GPATCH8: variants seen among roughly 807,000 people sequenced by gnomAD.
The protein encoded by GPATCH8 is G patch domain-containing protein 8.
Under a neutral mutation model 118.3 loss-of-function variants are expected in GPATCH8, and 18 were observed. The observed-to-expected ratio is 0.15, with a 90% CI of 0.11 to 0.23. The LOEUF (loss-of-function observed/expected upper bound fraction) is 0.23. Among genes scored for constraint, GPATCH8 ranks in the 10% least tolerant of loss-of-function variants. The pLI, the probability that GPATCH8 is intolerant of heterozygous loss-of-function variation, is 1.00. For missense variants in GPATCH8, 1,631 were observed against 1,873.8 expected, an observed-to-expected ratio of 0.87 and a Z score of 2.39; for synonymous variants, 659 against 684.7, an observed-to-expected ratio of 0.96 and a Z score of 0.59.
intron 1 of GPATCH8, among the ~76,000 whole-genome samples, chr17:44,484,140 A>T (rs1244473377): frequency 6.7e-6 from 1 of 149,202 alleles, no homozygotes; most frequent in Non-Finnish European, 1.5e-5. Context: ...ATGCCAGACC[A>T]ATTTATTTAT....
At chr17:44,467,016 G>A in intron 2 of GPATCH8, 2 of 500,650 alleles carry the variant, frequency 4.0e-6, no homozygotes, top group Non-Finnish European at 7.3e-6. Flanking sequence ...TATTATGAAT[G>A]CACTCAAATA....
chr17:44,473,688 G>C (rs1277936099), intron 2 of GPATCH8: 3 of 152,126 alleles, frequency 2.0e-5, no homozygotes, highest in African/African-American at 7.2e-5. Context: ...AAACCCTAGA[G>C]AAGAAATTAA....
intron 5 of GPATCH8, among the ~76,000 whole-genome samples, 191 bp downstream of exon 5, chr17:44,434,874 G>A (rs912506897): frequency 2.0e-5 from 3 of 152,148 alleles, no homozygotes; most frequent in African/African-American, 7.2e-5. Flanking sequence ...TTAGAAGTAG[G>A]TATTATTATC....
chr17:44,458,084 A>C (rs2051403241), intron 3 of GPATCH8, among the ~76,000 whole-genome samples: 2 of 146,572 alleles, frequency 1.4e-5, no homozygotes, highest in South Asian at 4.4e-4. Context: ...GCGAGACTCC[A>C]TTTCAAAAAA....
In GPATCH8 at chr17:44,399,384, C is replaced by T; in HGVS notation, c.2693G>A (p.Ser898Asn). Residue 898 changes from serine (S) to asparagine (N), a missense_variant, in exon 8 of 8, where the codon AGT (serine) becomes AAT (asparagine). This residue lies in a region of GPATCH8 where 922 missense variants were observed against 879.7 expected (regional missense o/e 1.05). Coordinates refer to ENST00000591680, the MANE Select transcript of GPATCH8 (RefSeq NM_001002909.4). ...CTTGGAGTGCCTTCGTGATCTGTCA[C>T]TGTAGTCACTGTAGCTGTCATCAGA... is the stretch of plus-strand genomic sequence containing the variant. ...SYSDDSYSDY[S>N]DRSRRHSKRS... The T allele has an allele frequency of 6.2e-7, 1 of 1,614,142 alleles. No homozygotes were observed.
chr17:44,448,570 AGAG>A (rs1483659393), intron 3 of GPATCH8, among the ~76,000 whole-genome samples: 2 of 106,464 alleles, frequency 1.9e-5, no homozygotes, highest in South Asian at 2.7e-4. Flanking sequence ...AAGAAGAGGA[AGAG>A]GAAGAAGAAG....
At chr17:44,434,594 C>G (rs2050432621) in intron 5 of GPATCH8, among the ~76,000 whole-genome samples, 1 of 152,106 alleles carries the variant, frequency 6.6e-6, no homozygotes, top group African/African-American at 2.4e-5. Context: ...AATCCCAGCA[C>G]TTTGGGAGGC....
intron 2 of GPATCH8, among the ~76,000 whole-genome samples, chr17:44,471,994 A>AT (rs1012756654): frequency 5.9e-5 from 8 of 136,214 alleles, no homozygotes; most frequent in Admixed American, 4.4e-4. Context: ...TTTTTTTCTT[A>AT]TTTTTTCTTG....
intron 6 of GPATCH8, among the ~76,000 whole-genome samples, chr17:44,415,511 T>G (rs543640805): frequency 6.6e-6 from 1 of 152,276 alleles, no homozygotes; most frequent in Admixed American, 6.5e-5. Flanking sequence ...GGATTTTAAT[T>G]TTTTGAATTT....
In GPATCH8 at chr17:44,395,491, C is replaced by A; in HGVS notation, c.*2077G>T. 1 of 454,470 alleles carries A rather than the reference C, an allele frequency of 2.2e-6. No individual in the cohort carries two copies. The highest frequency in any genetic ancestry group is 2.0e-5 in the African/African-American group (1 of 50,102). The allele number at this position is 454,470 out of a possible 1,614,324, so 28.2% of individuals were successfully genotyped here. On this transcript the variant is annotated 3_prime_UTR_variant, in exon 8 of 8. Transcript: ENST00000591680. ...GCCAGAGTATGGCTCAATCTACAAG[C>A]TAATGGGAAGCAGCACGAAAATGTT...
chr17:44,491,219 G>A (rs754763160), intron 1 of GPATCH8, among the ~76,000 whole-genome samples: 5 of 152,116 alleles, frequency 3.3e-5, no homozygotes, highest in South Asian at 2.1e-4. Flanking sequence ...AGTCAGGCAC[G>A]GTGGCTCATG....
chr17:44,434,083 TC>T (rs903070332), intron 5 of GPATCH8, among the ~76,000 whole-genome samples: 2 of 151,766 alleles, frequency 1.3e-5, no homozygotes, highest in African/African-American at 4.8e-5. Context: ...TGAGCTTAGA[TC>T]ACACCACTGT....
intron 3 of GPATCH8, among the ~76,000 whole-genome samples, chr17:44,450,764 A>G (rs150484646): frequency 6.6e-6 from 1 of 152,276 alleles, no homozygotes; most frequent in East Asian, 1.9e-4. Flanking sequence ...CCACTTTAAA[A>G]TACCAACGCT....
At chr17:44,471,637 T>C (rs1228873307) in intron 2 of GPATCH8, among the ~76,000 whole-genome samples, 1 of 152,138 alleles carries the variant, frequency 6.6e-6, no homozygotes, top group Non-Finnish European at 1.5e-5. Flanking sequence ...CAGAGAAAGA[T>C]TTTAATTCAG....
At chr17:44,415,605 GA>G (rs2143810932) in intron 6 of GPATCH8, among the ~76,000 whole-genome samples, 1 of 152,282 alleles carries the variant, frequency 6.6e-6, no homozygotes, top group Admixed American at 6.5e-5. Flanking sequence ...TCTGAAGGCG[GA>G]TAAGTCATAA....
intron 6 of GPATCH8, among the ~76,000 whole-genome samples, chr17:44,415,867 A>G (rs987592711): frequency 6.6e-6 from 1 of 152,242 alleles, no homozygotes; most frequent in Non-Finnish European, 1.5e-5. Flanking sequence ...GAGTGCCAAA[A>G]TGAAGAACAG....
chr17:44,497,100 T>C (rs1969712838), intron 1 of GPATCH8, among the ~76,000 whole-genome samples: 2 of 152,206 alleles, frequency 1.3e-5, no homozygotes, highest in African/African-American at 4.8e-5. Context: ...ATGCCAGACT[T>C]ACAAGCAAAA....
At chr17:44,469,554 A>G (rs547213298) in intron 2 of GPATCH8, among the ~76,000 whole-genome samples, 1 of 152,336 alleles carries the variant, frequency 6.6e-6, no homozygotes, top group South Asian at 2.1e-4. Flanking sequence ...TCTATACTGA[A>G]TTTTGTTTTA....
At chr17:44,502,051 A>G (rs1970107631) in intron 1 of GPATCH8, among the ~76,000 whole-genome samples, 2 of 152,132 alleles carry the variant, frequency 1.3e-5, no homozygotes, top group Non-Finnish European at 2.9e-5. Flanking sequence ...TGCTGCAGCT[A>G]TACAGCAGGC....
Sources: allele counts gnomAD v4.1 joint callset (sites outside exome capture counted in the v4.1 genomes callset), GRCh38; gene constraint gnomAD v4.1.1; regional missense constraint gnomAD v4.1.1; transcripts MANE v1.5; gene names NCBI Gene and HGNC (gene_info 2026-07-23, HGNC 2026-07-21).